Variants in TLE1 observed in about 807,000 individuals in gnomAD.
TLE1 encodes transducin-like enhancer protein 1.
TLE1 carries 21 observed loss-of-function variants against 89.8 expected under a neutral mutation model. The observed-to-expected ratio is 0.23, with a 90% CI of 0.17 to 0.34. The LOEUF (loss-of-function observed/expected upper bound fraction) is 0.34, where lower values mean the gene tolerates loss of function less well. TLE1 is among the 10% of genes least tolerant of loss of function. The probability of loss-of-function intolerance (pLI) is 1.00; values close to 1 mark genes in which losing one functional copy is unlikely to be tolerated. For synonymous variants in TLE1, 447 were observed against 407.6 expected (o/e 1.10, Z -1.16); for missense variants, 795 against 1,031.2 (o/e 0.77, Z 3.14).
At chr9:81,672,006 T>C (rs1451480821) in intron 4 of TLE1, among the ~76,000 whole-genome samples, 1 of 152,164 alleles carries the variant, frequency 6.6e-6, no homozygotes, top group East Asian at 1.9e-4. Flanking sequence ...CCAGGCCAAC[T>C]GGCAGGCTAG....
chr9:81,679,180 A>T (rs899501065), intron 4 of TLE1, among the ~76,000 whole-genome samples: 6 of 152,172 alleles, frequency 3.9e-5, no homozygotes, highest in African/African-American at 9.7e-5. Flanking sequence ...ATAATGAAAC[A>T]TGTAATTTTG....
At chr9:81,605,161 T>C (rs958707746) in intron 14 of TLE1, among the ~76,000 whole-genome samples, 1 of 152,172 alleles carries the variant, frequency 6.6e-6, no homozygotes, top group Non-Finnish European at 1.5e-5. Context: ...CAGAGAATTA[T>C]TTGTATAACT....
At chr9:81,586,785 T>A (rs1050807065) in intron 17 of TLE1, among the ~76,000 whole-genome samples, 2 of 152,134 alleles carry the variant, frequency 1.3e-5, no homozygotes, top group Non-Finnish European at 2.9e-5. Flanking sequence ...CTCTAAGAAG[T>A]TTTAAAAAAA....
intron 8 of TLE1, among the ~76,000 whole-genome samples, chr9:81,623,077 C>T (rs959992552): frequency 3.3e-5 from 5 of 152,192 alleles, no homozygotes; most frequent in African/African-American, 9.7e-5. Context: ...TAATGAGCTT[C>T]GCTGGCAGCA....
At chr9:81,610,783 C>G (rs1011784125) in intron 13 of TLE1, among the ~76,000 whole-genome samples, 35 of 128,722 alleles carry the variant, frequency 2.7e-4, no homozygotes, top group African/African-American at 9.0e-4. Context: ...AAAAGTGTCT[C>G]CAGATATTAT....
In TLE1 at chr9:81,604,242, G is replaced by A. The variant is rs146958161; in HGVS notation, c.1331+5978C>T. 4.2e-3 allele frequency among the ~76,000 whole-genome samples: 633 copies of A among 152,306 alleles called. 1 individual carries two copies. Among genetic ancestry groups the A allele is most frequent in the African/African-American group, 0.015 (603 of 41,572 alleles). ...CCCCATCCTAGGCTGTGAGCTCCCG[G>A]TGGGGTCCCCTATGCCTATGCAGGA... On this transcript the variant is annotated intron_variant, in intron 14 of 19. Transcript: ENST00000376499.
At chr9:81,641,376 CA>C in intron 6 of TLE1, among the ~76,000 whole-genome samples, 1 of 152,202 alleles carries the variant, frequency 6.6e-6, no homozygotes, top group South Asian at 2.1e-4. Context: ...GGGTGATCAA[CA>C]GGAAGAAACT....
chr9:81,605,437 A>T (rs1403527116), intron 14 of TLE1, among the ~76,000 whole-genome samples: 1 of 152,098 alleles, frequency 6.6e-6, no homozygotes, highest in Non-Finnish European at 1.5e-5. Flanking sequence ...TCTTTGACTT[A>T]CGGGGCGGGG....
chr9:81,586,017 CTT>C (rs560998726), intron 17 of TLE1, among the ~76,000 whole-genome samples: 30,168 of 128,542 alleles, frequency 0.23, 3,374 homozygotes, highest in Middle Eastern at 0.37. Context: ...CGTTAGGTGA[CTT>C]TTTTTTTTTT....
At chr9:81,609,025 G>GA (rs781357086) in intron 14 of TLE1, among the ~76,000 whole-genome samples, 37 of 151,516 alleles carry the variant, frequency 2.4e-4, no homozygotes, top group African/African-American at 6.3e-4. Flanking sequence ...TAAAGAAAAA[G>GA]AAAAAAAACA....
At chr9:81,647,854 A>G (rs1329588622) in intron 6 of TLE1, among the ~76,000 whole-genome samples, 1 of 152,220 alleles carries the variant, frequency 6.6e-6, no homozygotes, top group Non-Finnish European at 1.5e-5. Flanking sequence ...TGGATTACCA[A>G]AAACACCATG....
At chr9:81,661,085 C>T (rs1277159640) in intron 4 of TLE1, among the ~76,000 whole-genome samples, 1 of 149,972 alleles carries the variant, frequency 6.7e-6, no homozygotes. Context: ...TGAGATGGCG[C>T]CACTGCACTC....
chr9:81,613,266 C>T (rs896417189), intron 12 of TLE1, 111 bp downstream of exon 12: 11 of 1,440,920 alleles, frequency 7.6e-6, no homozygotes, highest in African/African-American at 1.4e-5. Flanking sequence ...GGAGGGTGGC[C>T]CTACGTACAT....
At chr9:81,619,688 C>T (rs1032185315) in intron 9 of TLE1, among the ~76,000 whole-genome samples, 1 of 152,216 alleles carries the variant, frequency 6.6e-6, no homozygotes, top group Non-Finnish European at 1.5e-5. Flanking sequence ...CACTCAGGGA[C>T]ACACAGGCAA....
intron 15 of TLE1, 105 bp from the exon 16 acceptor site, chr9:81,591,157 T>G: frequency 6.9e-7 from 1 of 1,447,022 alleles, no homozygotes; most frequent in Admixed American, 1.9e-5. Flanking sequence ...TGGTGTTTCA[T>G]GGACACTCTA....
intron 14 of TLE1, among the ~76,000 whole-genome samples, chr9:81,606,587 T>C (rs1831688904): frequency 6.6e-6 from 1 of 151,936 alleles, no homozygotes. Flanking sequence ...TGAGAACACT[T>C]GGACACAGGT....
At chr9:81,602,577 T>C (rs1203994820) in intron 14 of TLE1, among the ~76,000 whole-genome samples, 1 of 152,064 alleles carries the variant, frequency 6.6e-6, no homozygotes, top group Non-Finnish European at 1.5e-5. Context: ...GGTGTGGAAT[T>C]TTCCATGTGT....
Position 81,616,108 on chromosome 9 carries a change from A to G in TLE1, c.792T>C (p.Pro264=). The G allele has an allele frequency of 1.2e-6, 2 of 1,613,640 alleles. No homozygotes were observed. The highest frequency in any genetic ancestry group is 1.7e-6 in the Non-Finnish European group (2 of 1,179,904). Residue 264 remains proline (P), a synonymous_variant, in exon 11 of 20, where the codon CCT becomes CCC. Transcript: ENST00000376499. The part of the protein sequence containing the change: ...NEDPSSPRAS[P]AHSPRENGID... ...TTCCATTTTCCCGGGGCGAGTGGGCAGGGCTTGCTCGCGGAGAAGAAGGGT... is the reference window on the plus strand; with the variant it reads ...TTCCATTTTCCCGGGGCGAGTGGGCGGGGCTTGCTCGCGGAGAAGAAGGGT...
rs1384260860 is a variant in TLE1, at chr9:81,613,489, G to A, written c.951C>T (p.Ser317=). ...HEKASTPVLK[S]STPTPRSDMP... Reference sequence around the variant, plus strand: ...TGTCGCTCCGAGGCGTTGGTGTGCTGGATTTCAGAACAGGCGTGCTGGCTT... The same window carrying A: ...TGTCGCTCCGAGGCGTTGGTGTGCTAGATTTCAGAACAGGCGTGCTGGCTT... Residue 317 remains serine (S), a synonymous_variant, in exon 12 of 20, where the codon TCC becomes TCT. Transcript: ENST00000376499. 4 of 1,614,060 alleles carry A rather than the reference G, an allele frequency of 2.5e-6. No individual in the cohort carries two copies. Among genetic ancestry groups the A allele is most frequent in the Non-Finnish European group, 3.4e-6 (4 of 1,180,050 alleles).
Sources: allele counts gnomAD v4.1 joint callset (sites outside exome capture counted in the v4.1 genomes callset), GRCh38; gene constraint gnomAD v4.1.1; transcripts MANE v1.5; gene names NCBI Gene and HGNC (gene_info 2026-07-23, HGNC 2026-07-21).